Variants in NSUN6 observed in about 807,000 individuals in gnomAD.
NSUN6 encodes the protein NOP2/Sun RNA methyltransferase 6, also known as tRNA (cytosine(72)-C(5))-methyltransferase NSUN6.
NSUN6 carries 64 observed loss-of-function variants against 58.0 expected under a neutral mutation model. The ratio of observed to expected loss-of-function variants is 1.10; its 90% CI spans 0.90 to 1.36. NSUN6 has a LOEUF of 1.36. Among genes scored for constraint, NSUN6 ranks in the 40% most tolerant of loss-of-function variants. The pLI, the probability that NSUN6 is intolerant of heterozygous loss-of-function variation, is 0.00. For missense variants in NSUN6, 701 were observed against 550.1 expected, an observed-to-expected ratio of 1.27 and a Z score of -2.74; for synonymous variants, 231 against 193.9, an observed-to-expected ratio of 1.19 and a Z score of -1.59.
At chr10:18,560,086 G>A (rs959337413) in intron 8 of NSUN6, among the ~76,000 whole-genome samples, 1 of 150,186 alleles carries the variant, frequency 6.7e-6, no homozygotes, top group Non-Finnish European at 1.5e-5. Flanking sequence ...ATGGAATGGA[G>A]AATGGAATGG....
At position 18,545,868 on chromosome 10, in the gene NSUN6, T is replaced by TA. The variant is rs75967699; in HGVS notation, c.*64dup. 1,396 of 732,374 alleles carry TA rather than the reference T, an allele frequency of 1.9e-3. 2 individuals are homozygous for TA. The highest frequency in any genetic ancestry group is 6.0e-3 in the Admixed American group (230 of 38,118). The allele number at this position is 732,374 out of a possible 1,614,324, so 45.4% of individuals were successfully genotyped here. ...TCAGTTGGCCTGACAACACTTTGGT[T>TA]AAAAAAAAAAAAACCACAGACAGCA... On this transcript the variant is annotated 3_prime_UTR_variant, in exon 11 of 11. Transcript: ENST00000377304.
chr10:18,555,906 A>AGAATGGAATAGAATGGAATG (rs2054974979), intron 8 of NSUN6, among the ~76,000 whole-genome samples: 1 of 140,502 alleles, frequency 7.1e-6, no homozygotes, highest in South Asian at 2.3e-4. Context: ...AATGGAATGG[A>AGAATGGAATAGAATGGAATG]GAATGGAATG....
chr10:18,640,054 C>T (rs2059344525), intron 3 of NSUN6, among the ~76,000 whole-genome samples: 1 of 152,110 alleles, frequency 6.6e-6, no homozygotes, highest in Non-Finnish European at 1.5e-5. Flanking sequence ...TTAAACTAAG[C>T]TAAATGATAA....
intron 8 of NSUN6, among the ~76,000 whole-genome samples, chr10:18,562,779 TAATGG>T (rs758527728): frequency 0.024 from 708 of 30,066 alleles, 10 homozygotes; most frequent in Non-Finnish European, 0.031. Flanking sequence ...ATGGAATGGA[TAATGG>T]AATGGAATGG....
intron 3 of NSUN6, among the ~76,000 whole-genome samples, chr10:18,617,333 G>A (rs1028131140): frequency 6.6e-6 from 1 of 151,770 alleles, no homozygotes; most frequent in African/African-American, 2.4e-5. Context: ...GATTACAGGT[G>A]CTCGCCACCA....
At chr10:18,646,114 G>C (rs1361565102) in intron 2 of NSUN6, among the ~76,000 whole-genome samples, 2 of 152,070 alleles carry the variant, frequency 1.3e-5, no homozygotes, top group Admixed American at 6.5e-5. Context: ...AGAATCGCTT[G>C]AACCTGGGAG....
chr10:18,587,937 C>T (rs2057231343), intron 7 of NSUN6, among the ~76,000 whole-genome samples: 1 of 152,098 alleles, frequency 6.6e-6, no homozygotes, highest in African/African-American at 2.4e-5. Flanking sequence ...CCGTTTACTC[C>T]CCTGGAAAGG....
chr10:18,553,894 G>C (rs1163503807), intron 8 of NSUN6, among the ~76,000 whole-genome samples: 1 of 150,320 alleles, frequency 6.7e-6, no homozygotes, highest in Non-Finnish European at 1.5e-5. Flanking sequence ...AGAGTGGAAT[G>C]AGATGGAGAA....
chr10:18,652,684 C>A, upstream of NSUN6: 1 of 588,436 alleles, frequency 1.7e-6, no homozygotes, highest in Non-Finnish European at 2.1e-6. Flanking sequence ...CTTGGCCTCC[C>A]GAGTAGCTAA....
intron 8 of NSUN6, among the ~76,000 whole-genome samples, chr10:18,562,729 A>G (rs2130886532): frequency 6.7e-6 from 1 of 150,018 alleles, no homozygotes; most frequent in East Asian, 2.0e-4. Context: ...TGGAATGCGA[A>G]ATGGAATGGA....
intron 8 of NSUN6, among the ~76,000 whole-genome samples, chr10:18,582,125 G>A (rs1275385108): frequency 6.6e-6 from 1 of 152,146 alleles, no homozygotes; most frequent in African/African-American, 2.4e-5. Context: ...GTGCATGTGT[G>A]AGCCCACTCA....
At chr10:18,586,697 A>T (rs2057161128) in intron 7 of NSUN6, among the ~76,000 whole-genome samples, 1 of 152,216 alleles carries the variant, frequency 6.6e-6, no homozygotes. Flanking sequence ...GTGCAGACCC[A>T]AAGAGTCAGC....
chr10:18,636,277 T>G (rs996694617), intron 3 of NSUN6, among the ~76,000 whole-genome samples: 15 of 151,318 alleles, frequency 9.9e-5, no homozygotes, highest in African/African-American at 3.6e-4. Flanking sequence ...AGAAATAAAC[T>G]GTGCCATAAG....
chr10:18,577,081 A>G (rs1048076186), intron 8 of NSUN6, among the ~76,000 whole-genome samples: 3 of 152,204 alleles, frequency 2.0e-5, no homozygotes, highest in Non-Finnish European at 4.4e-5. Flanking sequence ...CACTATATCT[A>G]TTACAACCAA....
At chr10:18,587,726 G>A (rs1432306577) in intron 7 of NSUN6, among the ~76,000 whole-genome samples, 2 of 152,126 alleles carry the variant, frequency 1.3e-5, no homozygotes, top group Non-Finnish European at 2.9e-5. Flanking sequence ...AAGCTGTGAG[G>A]AACAAACTGT....
At chr10:18,604,875 G>C (rs1462159803) in intron 6 of NSUN6, among the ~76,000 whole-genome samples, 2 of 150,276 alleles carry the variant, frequency 1.3e-5, no homozygotes, top group African/African-American at 2.4e-5. Flanking sequence ...GACAGAGCAA[G>C]ACTCTTTCTT....
Position 18,548,123 on chromosome 10 carries a change from G to A in NSUN6, c.1186C>T (p.Leu396Phe). 6.2e-7 allele frequency: 1 copy of A among 1,613,844 alleles called. No homozygotes were observed. The highest frequency in any genetic ancestry group is 8.5e-7 in the Non-Finnish European group (1 of 1,179,868). The change falls in exon 10 of 11, where the codon CTT becomes TTT. Residue 396 changes from leucine to phenylalanine, a missense_variant. Leu to Phe is a conservative substitution (Grantham distance 22, BLOSUM62 0). Coordinates refer to ENST00000377304, the MANE Select transcript of NSUN6 (RefSeq NM_182543.5). ...WALTKFPCLQ[L>F]QPQEPQIGGE... ...GAAATTACTCCTACCTGGGGCTGAA[G>A]CTGAAGGCAAGGAAATTTTGTCAGG...
intron 3 of NSUN6, among the ~76,000 whole-genome samples, chr10:18,625,720 TAAAAAAAAAAAAAAA>T (rs71402188): frequency 7.4e-5 from 4 of 53,808 alleles, no homozygotes; most frequent in Non-Finnish European, 1.0e-4. Context: ...GTTTTTTTTT[TAAAAAAAAAAAAAAA>T]AAAAAAAAAA....
Position 18,551,727 on chromosome 10 carries a change from A to G in NSUN6, c.1071+96T>C, listed in dbSNP as rs1331961995. 9.0e-6 allele frequency: 9 copies of G among 1,003,158 alleles called. No individual in the cohort carries two copies. The East Asian group carries it at 2.2e-4, about 24-fold the overall frequency. The allele number at this position is 1,003,158 out of a possible 1,614,324, so 62.1% of individuals were successfully genotyped here. A position where few individuals can be genotyped will look rare whatever the true frequency, so the allele number is the denominator to read the frequency against. ...CTTGGGTTGTTCCCACCTTTTGGCTATTGTAATGAACGCTGCTATGGAGAT... is the reference window on the plus strand; with the variant it reads ...CTTGGGTTGTTCCCACCTTTTGGCTGTTGTAATGAACGCTGCTATGGAGAT... On this transcript the variant is annotated intron_variant, in intron 9 of 10. Transcript: ENST00000377304.
Sources: gnomAD v4.1 joint callset for allele counts (sites outside exome capture counted in the v4.1 genomes callset) on GRCh38, gnomAD v4.1.1 for gene constraint, MANE v1.5 for transcripts, NCBI Gene and HGNC (gene_info 2026-07-23, HGNC 2026-07-21) for gene names.